The following GLIS3 variants were observed in gnomAD, a reference collection of about 807,000 sequenced individuals.
GLIS3 encodes GLIS family zinc finger 3, also known as zinc finger protein GLIS3.
A neutral mutation model predicts 78.6 loss-of-function variants in GLIS3; 53 were observed. The observed-to-expected ratio is 0.67, with a 90% CI of 0.54 to 0.85. The LOEUF (loss-of-function observed/expected upper bound fraction) is 0.85. Among genes scored for constraint, GLIS3 ranks in the 40% least tolerant of loss-of-function variants. The pLI, the probability that GLIS3 is intolerant of heterozygous loss-of-function variation, is 0.00. For missense variants in GLIS3, 1,703 were observed against 1,231.1 expected (o/e 1.38, Z -5.74); for synonymous variants, 684 against 509.9 (o/e 1.34, Z -4.60).
intron 9 of GLIS3, among the ~76,000 whole-genome samples, chr9:3,835,122 T>C (rs1818272586): frequency 6.6e-6 from 1 of 152,200 alleles, no homozygotes. Flanking sequence ...CTTAGTAGGT[T>C]TGTTTATGCA....
chr9:4,108,115 G>A (rs918698908), intron 4 of GLIS3, among the ~76,000 whole-genome samples: 1 of 152,180 alleles, frequency 6.6e-6, no homozygotes, highest in Non-Finnish European at 1.5e-5. Flanking sequence ...AGCTCTGAGG[G>A]TGATAGTGAG....
the GLIS3 span, among the ~76,000 whole-genome samples, chr9:4,372,334 T>C: frequency 6.6e-6 from 1 of 152,194 alleles, no homozygotes; most frequent in African/African-American, 2.4e-5. Context: ...TTTTATTTTC[T>C]GTATTTGATG....
intron 8 of GLIS3, among the ~76,000 whole-genome samples, chr9:3,860,543 A>C (rs1481459052): frequency 6.6e-6 from 1 of 152,080 alleles, no homozygotes; most frequent in Admixed American, 6.6e-5. Context: ...CCCAACTGAG[A>C]CACGTAGACC....
At chr9:4,105,020 C>A (rs187460472) in intron 4 of GLIS3, among the ~76,000 whole-genome samples, 1 of 152,158 alleles carries the variant, frequency 6.6e-6, no homozygotes, top group Non-Finnish European at 1.5e-5. Context: ...ATTAGATGAA[C>A]AATTCAGTAT....
At chr9:4,393,487 A>T in the GLIS3 span, among the ~76,000 whole-genome samples, 1 of 152,278 alleles carries the variant, frequency 6.6e-6, no homozygotes, top group African/African-American at 2.4e-5. Flanking sequence ...TTGCCTTATA[A>T]TATCTTTTCT....
intron 4 of GLIS3, among the ~76,000 whole-genome samples, chr9:4,010,639 G>A (rs1242204823): frequency 2.0e-5 from 3 of 152,202 alleles, no homozygotes; most frequent in African/African-American, 7.2e-5. Context: ...GCCTGCTTTG[G>A]TGTCATAAGT....
intron 2 of GLIS3, among the ~76,000 whole-genome samples, chr9:4,187,618 C>T (rs1453973699): frequency 3.9e-5 from 6 of 152,162 alleles, no homozygotes; most frequent in Non-Finnish European, 8.8e-5. Flanking sequence ...TTGATTCTTC[C>T]TACCCATGAG....
chr9:4,190,820 C>A (rs1162710833), intron 2 of GLIS3, among the ~76,000 whole-genome samples: 2 of 152,196 alleles, frequency 1.3e-5, no homozygotes, highest in Non-Finnish European at 2.9e-5. Flanking sequence ...GCCCATCTGA[C>A]TAACAGCTGA....
At chr9:4,003,645 T>A (rs1224670838) in intron 4 of GLIS3, among the ~76,000 whole-genome samples, 1 of 152,168 alleles carries the variant, frequency 6.6e-6, no homozygotes, top group African/African-American at 2.4e-5. Flanking sequence ...TTCTGCACAT[T>A]TGAATACCAA....
intron 2 of GLIS3, among the ~76,000 whole-genome samples, chr9:4,168,436 A>T (rs1315471085): frequency 6.6e-6 from 1 of 152,212 alleles, no homozygotes; most frequent in Non-Finnish European, 1.5e-5. Flanking sequence ...GGTTCTGTGT[A>T]TCATATGCAA....
intron 2 of GLIS3, among the ~76,000 whole-genome samples, chr9:4,272,516 C>A (rs756504868): frequency 3.9e-5 from 6 of 152,060 alleles, no homozygotes; most frequent in Non-Finnish European, 7.4e-5. Flanking sequence ...TCTTCCCAAG[C>A]CTCTCTGTTC....
chr9:4,278,915 T>C (rs1036064050), intron 2 of GLIS3, among the ~76,000 whole-genome samples: 2 of 152,218 alleles, frequency 1.3e-5, no homozygotes, highest in African/African-American at 4.8e-5. Context: ...CTTCATAGTG[T>C]TCTTGTCAAA....
intron 4 of GLIS3, among the ~76,000 whole-genome samples, chr9:4,023,467 C>G (rs2130174548): frequency 6.6e-6 from 1 of 152,252 alleles, no homozygotes; most frequent in East Asian, 1.9e-4. Context: ...TGCTTTTGTT[C>G]CTAAACATAT....
intron 2 of GLIS3, among the ~76,000 whole-genome samples, chr9:4,136,285 G>T (rs957375750): frequency 6.6e-6 from 1 of 152,188 alleles, no homozygotes; most frequent in Non-Finnish European, 1.5e-5. Context: ...CAGGAGCTCA[G>T]AGGAGGAGGG....
intron 4 of GLIS3, among the ~76,000 whole-genome samples, chr9:4,308,096 G>A (rs1587376461): frequency 6.6e-6 from 1 of 152,042 alleles, no homozygotes; most frequent in Non-Finnish European, 1.5e-5. Context: ...TACTATCTGG[G>A]GCCTGGCCAC....
At chr9:4,212,194 C>T (rs1820437080) in intron 2 of GLIS3, among the ~76,000 whole-genome samples, 1 of 152,144 alleles carries the variant, frequency 6.6e-6, no homozygotes, top group Admixed American at 6.6e-5. Context: ...AATATAAGAA[C>T]AAATAACAAG....
At chr9:4,388,127 G>T in the GLIS3 span, among the ~76,000 whole-genome samples, 1 of 152,126 alleles carries the variant, frequency 6.6e-6, no homozygotes, top group Non-Finnish European at 1.5e-5. Context: ...CAAAGTATAA[G>T]GTTATCCATG....
At chr9:4,048,629 C>T (rs974577766) in intron 4 of GLIS3, among the ~76,000 whole-genome samples, 4 of 152,116 alleles carry the variant, frequency 2.6e-5, no homozygotes, top group Non-Finnish European at 5.9e-5. Context: ...AAAGAGAGCA[C>T]AAAAGCATCT....
At chr9:4,314,821 G>C (rs1229418560) in intron 2 of GLIS3, among the ~76,000 whole-genome samples, 1 of 152,192 alleles carries the variant, frequency 6.6e-6, no homozygotes, top group South Asian at 2.1e-4. Context: ...GGGCTGTAGG[G>C]AGAATGGATG....
Sources: allele counts gnomAD v4.1 joint callset (sites outside exome capture counted in the v4.1 genomes callset), GRCh38; gene constraint gnomAD v4.1.1; transcripts MANE v1.5; gene names NCBI Gene and HGNC (gene_info 2026-07-23, HGNC 2026-07-21).